The following CNTN4 variants were observed in gnomAD, a reference collection of about 807,000 sequenced individuals.
The protein encoded by CNTN4 is contactin-4.
In CNTN4, 77 loss-of-function variants were observed where a neutral mutation model predicts 122.5. That is an observed-to-expected ratio of 0.63 (90% CI 0.52 to 0.76). CNTN4 has a LOEUF of 0.76. Ranked by LOEUF, CNTN4 falls within the 30% of genes least tolerant of loss-of-function variation. The pLI is 0.00. For missense variants in CNTN4, 1,256 were observed against 1,259.1 expected, an observed-to-expected ratio of 1.00 and a Z score of 0.04; for synonymous variants, 512 against 447.0, an observed-to-expected ratio of 1.15 and a Z score of -1.83.
intron 12 of CNTN4, among the ~76,000 whole-genome samples, chr3:2,916,748 A>AG (rs1178062756): frequency 7.0e-6 from 1 of 142,750 alleles, no homozygotes; most frequent in Non-Finnish European, 1.5e-5. Flanking sequence ...GGCCGGGCAG[A>AG]GGGGCTCCTC....
intron 2 of CNTN4, among the ~76,000 whole-genome samples, chr3:2,262,973 C>A (rs1263068725): frequency 6.6e-6 from 1 of 152,020 alleles, no homozygotes; most frequent in Non-Finnish European, 1.5e-5. Flanking sequence ...TGAAAAGGTA[C>A]AATTATTTCC....
At chr3:2,177,997 T>C (rs1015631717) in intron 2 of CNTN4, among the ~76,000 whole-genome samples, 3 of 152,070 alleles carry the variant, frequency 2.0e-5, no homozygotes, top group African/African-American at 7.2e-5. Context: ...ATTCCTAAAT[T>C]TGAATACCCT....
At chr3:2,391,256 A>T (rs564168529) in intron 3 of CNTN4, among the ~76,000 whole-genome samples, 11 of 152,234 alleles carry the variant, frequency 7.2e-5, no homozygotes, top group Non-Finnish European at 1.6e-4. Context: ...AACAGAGTGC[A>T]TAATAAGAGT....
rs1007545443 is a variant in CNTN4, at chr3:2,808,673, G to A, written c.359-10813G>A. ...TTCCCTGGGGCAGGGGTGAGTGGGC[G>A]AGTGGGTGGGAGAGTATTTATTTTG... On this transcript the variant is annotated intron_variant, in intron 6 of 24. Transcript: ENST00000418658. Among the ~76,000 whole-genome samples the A allele has an allele frequency of 5.3e-5, 8 of 152,152 alleles. 1 individual carries two copies. The highest frequency in any genetic ancestry group is 2.4e-5 in the African/African-American group (1 of 41,424).
intron 3 of CNTN4, among the ~76,000 whole-genome samples, chr3:2,506,418 C>A (rs1247141336): frequency 3.3e-5 from 5 of 152,084 alleles, no homozygotes; most frequent in African/African-American, 1.2e-4. Context: ...TTTTTCTGAG[C>A]CAGACAGAAT....
rs1444609921 is a variant in CNTN4 at position 2,284,457 on chromosome 3, G to A, written c.-144-54721G>A. 3.9e-5 allele frequency among the ~76,000 whole-genome samples: 6 copies of A among 152,052 alleles called. No individual in the cohort carries two copies. The East Asian group carries it at 9.7e-4, about 25-fold the overall frequency. The stretch of plus-strand genomic sequence containing the variant: ...TTAATCCTTTTAACTGGTCTGGAAG[G>A]CAATTTAGTTTTAAGTCAGTTACTT... On this transcript the variant is annotated intron_variant, in intron 2 of 24. Transcript: ENST00000418658.
chr3:2,851,094 A>T (rs9825107), intron 7 of CNTN4, among the ~76,000 whole-genome samples: 105,960 of 152,126 alleles, frequency 0.7, 37,182 homozygotes, highest in East Asian at 0.88. Context: ...AACATCAGTT[A>T]TGTATTGTTT....
chr3:2,751,607 C>A (rs2090095558), intron 6 of CNTN4, among the ~76,000 whole-genome samples: 1 of 152,108 alleles, frequency 6.6e-6, no homozygotes, highest in Non-Finnish European at 1.5e-5. Context: ...GTTATTTGCA[C>A]AGCTTAACGA....
At chr3:2,547,531 C>T (rs990602460) in intron 3 of CNTN4, among the ~76,000 whole-genome samples, 2 of 152,020 alleles carry the variant, frequency 1.3e-5, no homozygotes, top group African/African-American at 4.8e-5. Flanking sequence ...CTTCCAAATA[C>T]TGGAATTGCA....
intron 13 of CNTN4, among the ~76,000 whole-genome samples, chr3:2,979,717 T>G (rs1281172162): frequency 3.9e-5 from 6 of 152,176 alleles, no homozygotes; most frequent in Non-Finnish European, 2.9e-5. Context: ...GTCACTTTTT[T>G]GTGTATTTTG....
chr3:2,257,329 A>G (rs1334231865), intron 2 of CNTN4, among the ~76,000 whole-genome samples: 1 of 152,238 alleles, frequency 6.6e-6, no homozygotes, highest in Non-Finnish European at 1.5e-5. Context: ...CTAAAACCAT[A>G]AAAACCACAG....
Position 2,137,503 on chromosome 3 carries a change from G to T in CNTN4, c.-145+36864G>T, listed in dbSNP as rs185881414. Among the ~76,000 whole-genome samples, 373 of 151,950 alleles carry T rather than the reference G, an allele frequency of 2.5e-3. 1 individual carries two copies. The highest frequency in any genetic ancestry group is 4.2e-3 in the Non-Finnish European group (283 of 67,964). On this transcript the variant is annotated intron_variant, in intron 2 of 24. Transcript: ENST00000418658. ...GTGAATGATAATTTGGGGGTGGGGG[G>T]ATTAGAAAGATGCTTTATTCAAAAT...
At chr3:2,141,722 A>G (rs927201053) in intron 2 of CNTN4, among the ~76,000 whole-genome samples, 1 of 152,122 alleles carries the variant, frequency 6.6e-6, no homozygotes. Context: ...ACTGATAACT[A>G]CATAATCACA....
chr3:2,855,786 C>G (rs1264815461), intron 7 of CNTN4, among the ~76,000 whole-genome samples: 1 of 152,168 alleles, frequency 6.6e-6, no homozygotes, highest in African/African-American at 2.4e-5. Context: ...CTGAGTCCTT[C>G]TCATTCTTGG....
intron 6 of CNTN4, among the ~76,000 whole-genome samples, chr3:2,797,761 T>G (rs2092233705): frequency 6.6e-6 from 1 of 152,194 alleles, no homozygotes; most frequent in Non-Finnish European, 1.5e-5. Flanking sequence ...AAAATATTTG[T>G]AAGGCATTCC....
intron 4 of CNTN4, among the ~76,000 whole-genome samples, chr3:2,677,226 T>C (rs1333480829): frequency 1.3e-5 from 2 of 150,202 alleles, no homozygotes; most frequent in Non-Finnish European, 3.0e-5. Context: ...TATATCTATA[T>C]AGAGAGATCT....
At chr3:2,751,980 C>T (rs2090117331) in intron 6 of CNTN4, among the ~76,000 whole-genome samples, 1 of 152,010 alleles carries the variant, frequency 6.6e-6, no homozygotes, top group South Asian at 2.1e-4. Context: ...TTCTCAATAC[C>T]ACTACACTTC....
At chr3:2,939,894 C>T (rs1018386552) in intron 13 of CNTN4, among the ~76,000 whole-genome samples, 19 of 152,204 alleles carry the variant, frequency 1.2e-4, no homozygotes, top group African/African-American at 4.6e-4. Context: ...TCAGCGATAG[C>T]TCACATTCAT....
chr3:2,786,076 C>T lies in CNTN4; in HGVS notation c.359-33410C>T, dbSNP rs1177149409. Among the ~76,000 whole-genome samples, 5 of 152,042 alleles carry T rather than the reference C, an allele frequency of 3.3e-5. No individual in the cohort carries two copies. In the South Asian group the frequency reaches 8.3e-4, roughly 25 times the overall value. ...GATGGTTAGAGAGGAGTTTGTCAGC[C>T]GAACTCCAGGGGAAGACAACCCTTC... On this transcript the variant is annotated intron_variant, in intron 6 of 24. Coordinates refer to ENST00000418658, the MANE Select transcript of CNTN4 (RefSeq NM_175607.3).
Sources: gnomAD v4.1 joint callset for allele counts (sites outside exome capture counted in the v4.1 genomes callset) on GRCh38, gnomAD v4.1.1 for gene constraint, MANE v1.5 for transcripts, NCBI Gene and HGNC (gene_info 2026-07-23, HGNC 2026-07-21) for gene names.